The following KANK2 variants were observed in gnomAD, a reference collection of about 807,000 sequenced individuals.
The protein encoded by KANK2 is KN motif and ankyrin repeat domain-containing protein 2.
A neutral mutation model predicts 74.6 loss-of-function variants in KANK2; 41 were observed. The ratio of observed to expected loss-of-function variants is 0.55; its 90% CI spans 0.43 to 0.71. The LOEUF is 0.71. Ranked by LOEUF, KANK2 falls within the 30% of genes least tolerant of loss-of-function variation. The pLI, the probability that KANK2 is intolerant of heterozygous loss-of-function variation, is 0.00. For synonymous variants in KANK2, 537 were observed against 519.0 expected (o/e 1.03, Z -0.47); for missense variants, 1,148 against 1,196.4 (o/e 0.96, Z 0.60).
chr19:11,184,060 T>C (rs1350860582), intron 4 of KANK2, among the ~76,000 whole-genome samples: 1 of 152,130 alleles, frequency 6.6e-6, no homozygotes, highest in Non-Finnish European at 1.5e-5. Flanking sequence ...ATGCAAAATA[T>C]AATGGTTTTA....
Position 11,170,253 on chromosome 19 carries a change from G to T in KANK2, c.2212-5C>A. The T allele has an allele frequency of 6.2e-7, 1 of 1,608,440 alleles. No homozygotes were observed. On this transcript the variant is annotated splice_region_variant and splice_polypyrimidine_tract_variant and intron_variant, in intron 10 of 12. Coordinates refer to ENST00000586659, the MANE Select transcript of KANK2 (RefSeq NM_001136191.3). The surrounding 1 kb of genome is among the most constrained non-coding windows in gnomAD (Gnocchi z 5.2). Reference sequence around the variant, plus strand: ...CATCAGGGCCGTCTGTCCTGCCTGGGGAGGGCAAGGAACAGGATTATGGTT... The same window carrying T: ...CATCAGGGCCGTCTGTCCTGCCTGGTGAGGGCAAGGAACAGGATTATGGTT...
At chr19:11,190,714 A>C (rs990680997) in intron 4 of KANK2, among the ~76,000 whole-genome samples, 1 of 151,712 alleles carries the variant, frequency 6.6e-6, no homozygotes, top group Non-Finnish European at 1.5e-5. Context: ...CTCCCTGACC[A>C]TGTTTCCAGA....
In KANK2 at chr19:11,178,442, G is replaced by A. The variant is rs1475367486; in HGVS notation, c.1423C>T (p.Pro475Ser). 3 of 1,597,414 alleles carry A rather than the reference G, an allele frequency of 1.9e-6. No homozygotes were observed. Among genetic ancestry groups the A allele is most frequent in the Admixed American group, 1.8e-5 (1 of 56,418 alleles). ...ATGATAGATCGCACGCCTGCCGGGG[G>A]CCCGCCTGGAGGGGAGGACAGCGGA... is the stretch of plus-strand genomic sequence containing the variant. Reference protein sequence around the residue: ...ESEEAGGTGGPPAGVRSIMKR... With the variant: ...ESEEAGGTGGSPAGVRSIMKR... Residue 475 changes from proline to serine, a missense_variant, in exon 6 of 13, where the codon CCC (proline) becomes TCC (serine). Physicochemically the swap from Pro to Ser is moderately conservative, Grantham distance 74. Coordinates refer to ENST00000586659, the MANE Select transcript of KANK2 (RefSeq NM_001136191.3).
chr19:11,182,208 G>A (rs1044730797), intron 4 of KANK2, among the ~76,000 whole-genome samples: 2 of 151,774 alleles, frequency 1.3e-5, no homozygotes, highest in African/African-American at 2.4e-5. Flanking sequence ...AAGCCAACAC[G>A]CCCGGCCAGA....
At position 11,173,086 on chromosome 19, in the gene KANK2, G is replaced by A; in HGVS notation, c.2106C>T (p.Tyr702=). Residue 702 remains tyrosine, a synonymous_variant, in exon 10 of 13, where the codon TAC becomes TAT. Coordinates refer to ENST00000586659, the MANE Select transcript of KANK2 (RefSeq NM_001136191.3). ...CKVDKQNRAG[Y]SPIMLTALAT... ...CCAGGGCGGTGAGCATAATAGGGCT[G>A]TAGCCAGCACGGTTCTGTTTGTCCA... The A allele has an allele frequency of 6.2e-7, 1 of 1,614,140 alleles. No individual in the cohort carries two copies. Among genetic ancestry groups the A allele is most frequent in the Non-Finnish European group, 8.5e-7 (1 of 1,180,006 alleles).
chr19:11,191,886 T>C (rs1396582187), intron 4 of KANK2, among the ~76,000 whole-genome samples: 3 of 152,200 alleles, frequency 2.0e-5, no homozygotes, highest in East Asian at 1.9e-4. Flanking sequence ...AACAAGACTT[T>C]GTCTCTACAA....
Position 11,193,790 on chromosome 19 carries a change from T to C in KANK2, c.290A>G (p.His97Arg). ...ACGGCCGCAGTAGGAATAGGCTGAG[T>C]GGCGGCTGTCCCCACTGGCATTGGA... The part of the protein sequence containing the change: ...LCSNASGDSR[H>R]SAYSYCGRGF... Residue 97 changes from histidine (H) to arginine (R), a missense_variant, in exon 4 of 13, where the codon CAC becomes CGC. By Grantham distance (29) the His-to-Arg change is conservative (BLOSUM62 0). Transcript: ENST00000586659. The surrounding 1 kb of genome is among the most constrained non-coding windows in gnomAD (Gnocchi z 9.6). 1.2e-6 allele frequency: 2 copies of C among 1,612,602 alleles called. No homozygotes were observed. The highest frequency in any genetic ancestry group is 1.7e-6 in the Non-Finnish European group (2 of 1,179,678).
At chr19:11,177,717 T>C (rs2078387065) in intron 6 of KANK2, among the ~76,000 whole-genome samples, 2 of 152,138 alleles carry the variant, frequency 1.3e-5, no homozygotes, top group East Asian at 3.8e-4. Context: ...CTCTCTCGTG[T>C]TTCTTGCTGG....
chr19:11,178,465 G>A lies in KANK2; in HGVS notation c.1418-18C>T, dbSNP rs751868507. On this transcript the variant is annotated intron_variant, in intron 5 of 12. Transcript: ENST00000586659. ...GGGCCCGCCTGGAGGGGAGGACAGC[G>A]GAGGTGCTGTGAGAGTCCTTCAGGG... 36 of 1,601,680 alleles carry A rather than the reference G, an allele frequency of 2.2e-5. No homozygotes were observed. The highest frequency in any genetic ancestry group is 1.6e-4 in the East Asian group (7 of 43,724).
intron 4 of KANK2, 42 bp from the exon 5 acceptor site, chr19:11,178,762 G>C (rs767324724): frequency 6.8e-7 from 1 of 1,477,438 alleles, no homozygotes; most frequent in Non-Finnish European, 9.0e-7. Context: ...GGTCATAAAA[G>C]CCAAACCACC....
chr19:11,194,366 G>C, intron 3 of KANK2, 109 bp downstream of exon 3: 1 of 858,094 alleles, frequency 1.2e-6, no homozygotes, highest in Non-Finnish European at 1.9e-6. Context: ...ACCTCTAATT[G>C]TTGGGCTGTG....
At chr19:11,180,593 CAT>C (rs968374453) in intron 4 of KANK2, among the ~76,000 whole-genome samples, 7 of 152,164 alleles carry the variant, frequency 4.6e-5, no homozygotes, top group African/African-American at 1.7e-4. Context: ...CCACAGAAAA[CAT>C]AAAAACCATG....
intron 4 of KANK2, among the ~76,000 whole-genome samples, chr19:11,186,900 G>C (rs1296784510): frequency 6.6e-6 from 1 of 152,126 alleles, no homozygotes; most frequent in Non-Finnish European, 1.5e-5. Context: ...GTGTGAAGAT[G>C]ACTCCAGCAT....
At position 11,170,233 on chromosome 19, in the gene KANK2, G is replaced by A. The variant is rs2078136817; in HGVS notation, c.2227C>T (p.Leu743=). ...AKASQAGQTA[L]MLAVSHGRVD... ...CGCCCGTGGCTGACGGCCAGCATCAGGGCCGTCTGTCCTGCCTGGGGAGGG... is the reference window on the plus strand; with the variant it reads ...CGCCCGTGGCTGACGGCCAGCATCAAGGCCGTCTGTCCTGCCTGGGGAGGG... The change falls in exon 11 of 13, where the codon CTG becomes TTG. Residue 743 remains leucine, a synonymous_variant. Transcript: ENST00000586659. This position sits in a 1 kb window ranked among gnomAD's most constrained non-coding sequence, Gnocchi z 5.2. 1.2e-6 allele frequency: 2 copies of A among 1,609,874 alleles called. No individual in the cohort carries two copies. Among genetic ancestry groups the A allele is most frequent in the African/African-American group, 2.7e-5 (2 of 74,936 alleles).
Position 11,194,703 on chromosome 19 carries a change from A to G in KANK2, c.-79-113T>C, listed in dbSNP as rs996953682. 21 of 553,690 alleles carry G rather than the reference A, an allele frequency of 3.8e-5. 1 individual carries two copies. The highest frequency in any genetic ancestry group is 4.0e-5 in the Non-Finnish European group (12 of 303,392). The allele number at this position is 553,690 out of a possible 1,614,324, so 34.3% of individuals were successfully genotyped here. A position where few individuals can be genotyped will look rare whatever the true frequency, so the allele number is the denominator to read the frequency against. On this transcript the variant is annotated intron_variant, in intron 2 of 12. Coordinates refer to ENST00000586659, the MANE Select transcript of KANK2 (RefSeq NM_001136191.3). ...CCCAGCCCCCCAACCCAGGTCTGGGACCCACTCATAGACGCACACCCAGCC... is the reference window on the plus strand; with the variant it reads ...CCCAGCCCCCCAACCCAGGTCTGGGGCCCACTCATAGACGCACACCCAGCC...
At chr19:11,190,245 C>A (rs962663127) in intron 4 of KANK2, among the ~76,000 whole-genome samples, 1 of 152,136 alleles carries the variant, frequency 6.6e-6, no homozygotes, top group Non-Finnish European at 1.5e-5. Context: ...AGCAATTCTC[C>A]TCCCTTAGCC....
intron 4 of KANK2, among the ~76,000 whole-genome samples, chr19:11,185,571 T>C (rs1229938282): frequency 1.3e-5 from 2 of 150,078 alleles, no homozygotes; most frequent in Non-Finnish European, 3.0e-5. Context: ...TTTCAGGCTG[T>C]ATCTGGCCCA....
chr19:11,182,545 ACAAAAC>A (rs1568648237), intron 4 of KANK2, among the ~76,000 whole-genome samples: 2 of 147,110 alleles, frequency 1.4e-5, no homozygotes, highest in Admixed American at 6.9e-5. Context: ...AAACAAAAAA[ACAAAAC>A]AAAACAAAAA....
intron 2 of KANK2, 27 bp downstream of exon 2, chr19:11,195,595 A>G (rs1283843216): frequency 6.6e-6 from 1 of 152,458 alleles, no homozygotes; most frequent in African/African-American, 2.4e-5. Flanking sequence ...GCTGGGCATG[A>G]AGGCAGGGCT....
Sources: gnomAD v4.1 joint callset for allele counts (sites outside exome capture counted in the v4.1 genomes callset) on GRCh38, gnomAD v4.1.1 for gene constraint, Gnocchi (gnomAD v3.1) non-coding constraint, MANE v1.5 for transcripts, NCBI Gene and HGNC (gene_info 2026-07-23, HGNC 2026-07-21) for gene names.